The following OXGR1 variants were observed in gnomAD, a reference collection of about 807,000 sequenced individuals.
The protein encoded by OXGR1 is 2-oxoglutarate receptor 1.
A neutral mutation model predicts 10.0 loss-of-function variants in OXGR1; 10 were observed. The ratio of observed to expected loss-of-function variants is 1.00; its 90% CI spans 0.62 to 1.70. The LOEUF (loss-of-function observed/expected upper bound fraction) is 1.70. Among genes scored for constraint, OXGR1 ranks in the 40% most tolerant of loss-of-function variants. The pLI is 0.00. For missense variants in OXGR1, 398 were observed against 407.6 expected (o/e 0.98, Z 0.20); for synonymous variants, 191 against 155.9 (o/e 1.22, Z -1.68).
At chr13:96,988,395 A>G (rs1255471030) in intron 3 of OXGR1, among the ~76,000 whole-genome samples, 1 of 152,112 alleles carries the variant, frequency 6.6e-6, no homozygotes. Flanking sequence ...CTCAATCTGT[A>G]TTTTGTTGAT....
Position 96,986,739 on chromosome 13 carries a change from A to C in OXGR1, c.*7T>G. The C allele has an allele frequency of 6.3e-7, 1 of 1,589,472 alleles. No individual in the cohort carries two copies. Among genetic ancestry groups the C allele is most frequent in the South Asian group, 1.2e-5 (1 of 86,294 alleles). ...GTATTTGTTTTTGGTTAAGTAAATG[A>C]AATATTTCAAGGGTTGTTTGAGTAA... On this transcript the variant is annotated 3_prime_UTR_variant, in exon 4 of 4. Transcript: ENST00000541038.
At chr13:96,994,639 T>A (rs1338662816), upstream of OXGR1, 3 of 151,696 alleles carry the variant, frequency 2.0e-5, no homozygotes, top group Non-Finnish European at 4.4e-5. Context: ...AGGAGGGTTG[T>A]GGCCGCCTTG....
At position 96,987,654 on chromosome 13, in the gene OXGR1, G is replaced by T. The variant is rs1394140739; in HGVS notation, c.106C>A (p.Leu36Ile). 1 of 1,614,144 alleles carries T rather than the reference G, an allele frequency of 6.2e-7. No homozygotes were observed. Among genetic ancestry groups the T allele is most frequent in the South Asian group, 1.1e-5 (1 of 91,074 alleles). ...DENIPLKMHY[L>I]PVIYGIIFLV... ...AAGATAATGCCATAAATAACAGGGA[G>T]GTAGTGCATCTTGAGTGGGATGTTT... Residue 36 changes from leucine to isoleucine, a missense_variant, in exon 4 of 4, where the codon CTC becomes ATC. Transcript: ENST00000541038.
At chr13:96,991,112 A>G (rs990322266) in intron 2 of OXGR1, among the ~76,000 whole-genome samples, 6 of 152,172 alleles carry the variant, frequency 3.9e-5, no homozygotes, top group African/African-American at 1.4e-4. Context: ...CAACTGCCTT[A>G]TTGTTCTGAA....
intron 3 of OXGR1, among the ~76,000 whole-genome samples, chr13:96,988,247 A>G (rs1881881919): frequency 6.6e-6 from 1 of 152,104 alleles, no homozygotes; most frequent in African/African-American, 2.4e-5. Flanking sequence ...TATTACCTCT[A>G]TTTTACAAGA....
rs760768805 is a variant in OXGR1 at position 96,987,592 on chromosome 13, G to A, written c.168C>T (p.Ser56=). ...VGFPGNAVVI[S]TYIFKMRPWK... is the part of the protein sequence containing the mutation. ...AAGGTCTCATTTTGAAAATGTAAGTGGATATCACTACTGCATTGCCTGGAA... is the reference window on the plus strand; with the variant it reads ...AAGGTCTCATTTTGAAAATGTAAGTAGATATCACTACTGCATTGCCTGGAA... The change falls in exon 4 of 4, where the codon TCC becomes TCT. Residue 56 remains serine (S), a synonymous_variant. Transcript: ENST00000541038. 80 of 1,613,954 alleles carry A rather than the reference G, an allele frequency of 5.0e-5. 2 individuals are homozygous for A. In the South Asian group the frequency reaches 8.1e-4, roughly 16 times the overall value.
rs1309477049 is a variant in OXGR1, at chr13:96,992,531, G to A, written c.-236C>T. On this transcript the variant is annotated 5_prime_UTR_variant, in exon 2 of 4. Coordinates refer to ENST00000541038, the MANE Select transcript of OXGR1 (RefSeq NM_001346194.2). ...ACCGTTCGTGGACCGCTGTCCTGAT[G>A]CCAGCACACCCAGGAACCTCACGGA... The A allele has an allele frequency of 6.6e-6, 1 of 152,162 alleles. No individual in the cohort carries two copies. Among genetic ancestry groups the A allele is most frequent in the Admixed American group, 6.5e-5 (1 of 15,276 alleles). 9.4% of individuals were successfully genotyped at this position (152,162 alleles called of 1,614,324 possible).
At position 96,986,812 on chromosome 13, in the gene OXGR1, T is replaced by G. The variant is rs755996946; in HGVS notation, c.948A>C (p.Thr316=). ...GGTTCCCGCTTACTTTGCATCTCAC[T>G]GTTGAGCAGACAGCCTGCTGAAAGT... The part of the protein sequence containing the change: ...SDNFQQAVCS[T]VRCKVSGNLE... Residue 316 remains threonine, a synonymous_variant, in exon 4 of 4, where the codon ACA becomes ACC. Coordinates refer to ENST00000541038, the MANE Select transcript of OXGR1 (RefSeq NM_001346194.2). The G allele has an allele frequency of 2.5e-6, 4 of 1,614,036 alleles. No individual in the cohort carries two copies. The highest frequency in any genetic ancestry group is 1.7e-6 in the Non-Finnish European group (2 of 1,180,016).
At chr13:96,989,343 C>A (rs58783797) in intron 3 of OXGR1, among the ~76,000 whole-genome samples, 8,497 of 152,220 alleles carry the variant, frequency 0.056, 798 homozygotes, top group African/African-American at 0.19. Flanking sequence ...TCCTTCTTGA[C>A]TGCCCTGAGT....
rs775962322 is a variant in OXGR1 at position 96,985,841 on chromosome 13, C to T, written c.*905G>A. The T allele has an allele frequency of 6.6e-6, 1 of 152,144 alleles. No individual in the cohort carries two copies. Among genetic ancestry groups the T allele is most frequent in the Non-Finnish European group, 1.5e-5 (1 of 68,012 alleles). 9.4% of individuals were successfully genotyped at this position (152,144 alleles called of 1,614,324 possible). A position where few individuals can be genotyped will look rare whatever the true frequency, so the allele number is the denominator to read the frequency against. On this transcript the variant is annotated 3_prime_UTR_variant, in exon 4 of 4. Transcript: ENST00000541038. Reference sequence around the variant, plus strand: ...AAGCACACATACAATTCAAAAATATCTTTAGCTATCACATAGACATATGTT... The same window carrying T: ...AAGCACACATACAATTCAAAAATATTTTTAGCTATCACATAGACATATGTT...
Position 96,985,844 on chromosome 13 carries a change from T to C in OXGR1, c.*902A>G, listed in dbSNP as rs1881707203. On this transcript the variant is annotated 3_prime_UTR_variant, in exon 4 of 4. Transcript: ENST00000541038. ...CACACATACAATTCAAAAATATCTT[T>C]AGCTATCACATAGACATATGTTCAT... is the stretch of plus-strand genomic sequence containing the variant. 1 of 152,248 alleles carries C rather than the reference T, an allele frequency of 6.6e-6. No homozygotes were observed. Among genetic ancestry groups the C allele is most frequent in the African/African-American group, 2.4e-5 (1 of 41,470 alleles). The allele number at this position is 152,248 out of a possible 1,614,324, so 9.4% of individuals were successfully genotyped here. A position where few individuals can be genotyped will look rare whatever the true frequency, so the allele number is the denominator to read the frequency against.
intron 2 of OXGR1, among the ~76,000 whole-genome samples, chr13:96,990,428 C>T (rs903042336): frequency 3.9e-5 from 6 of 152,160 alleles, no homozygotes; most frequent in African/African-American, 7.2e-5. Context: ...TCAACAGAGA[C>T]GTGAGAGGAA....
intron 1 of OXGR1, among the ~76,000 whole-genome samples, chr13:96,993,745 A>G (rs1450559806): frequency 6.6e-6 from 1 of 151,858 alleles, no homozygotes; most frequent in Non-Finnish European, 1.5e-5. Context: ...ACGAATCCAT[A>G]GCAACGAAAC....
At chr13:96,987,896 T>C in intron 3 of OXGR1, 63 bp from the exon 4 acceptor site, 1 of 1,186,250 alleles carries the variant, frequency 8.4e-7, no homozygotes, top group Non-Finnish European at 1.1e-6. Context: ...TACTTTTAAA[T>C]GAAAATTATT....
At chr13:96,989,115 G>A (rs1881928220) in intron 3 of OXGR1, among the ~76,000 whole-genome samples, 1 of 152,126 alleles carries the variant, frequency 6.6e-6, no homozygotes, top group South Asian at 2.1e-4. Flanking sequence ...CATAAGAAAA[G>A]CTTAAAAAAT....
Position 96,986,825 on chromosome 13 carries a change from G to A in OXGR1, c.935C>T (p.Ala312Val). The A allele has an allele frequency of 6.2e-7, 1 of 1,614,144 alleles. No homozygotes were observed. The highest frequency in any genetic ancestry group is 1.1e-5 in the South Asian group (1 of 91,076). ...TTTGCATCTCACTGTTGAGCAGACA[G>A]CCTGCTGAAAGTTGTCGCTGACCAC... ...YVVVSDNFQQ[A>V]VCSTVRCKVS... The change falls in exon 4 of 4, where the codon GCT becomes GTT. Residue 312 changes from alanine to valine, a missense_variant. Ala to Val is a moderately conservative substitution (Grantham distance 64). Transcript: ENST00000541038.
rs765856782 is a variant in OXGR1, at chr13:96,990,946, C to CAAAAAAAAAAAAAAAAAAAAA, written c.-126-1138_-126-1137insTTTTTTTTTTTTTTTTTTTTT. ...CCTGAGTGACACAGCAAGACTCTTT[C>CAAAAAAAAAAAAAAAAAAAAA]AAAAAAAAAAAAAAAAGCAAGCTTA... On this transcript the variant is annotated intron_variant, in intron 2 of 3. Coordinates refer to ENST00000541038, the MANE Select transcript of OXGR1 (RefSeq NM_001346194.2). 3.8e-3 allele frequency among the ~76,000 whole-genome samples: 368 copies of CAAAAAAAAAAAAAAAAAAAAA among 97,074 alleles called. 32 individuals carry two copies. Among genetic ancestry groups the CAAAAAAAAAAAAAAAAAAAAA allele is most frequent in the African/African-American group, 0.017 (354 of 20,974 alleles). The allele number at this position is 97,074 out of a possible 152,430, so 63.7% of individuals were successfully genotyped here.
At position 96,987,803 on chromosome 13, in the gene OXGR1, T is replaced by C; in HGVS notation, c.-44A>G. 1.3e-6 allele frequency: 2 copies of C among 1,518,454 alleles called. No individual in the cohort carries two copies. 94.1% of individuals were successfully genotyped at this position (1,518,454 alleles called of 1,614,324 possible). Reference sequence around the variant, plus strand: ...TGCAAGAAAACAAGAGAGTTCAGTTTGGCAATATGAATCAAATGAGCAGTA... The same window carrying C: ...TGCAAGAAAACAAGAGAGTTCAGTTCGGCAATATGAATCAAATGAGCAGTA... On this transcript the variant is annotated 5_prime_UTR_variant, in exon 4 of 4. Coordinates refer to ENST00000541038, the MANE Select transcript of OXGR1 (RefSeq NM_001346194.2).
At chr13:96,991,337 T>G (rs866382255) in intron 2 of OXGR1, among the ~76,000 whole-genome samples, 4 of 152,276 alleles carry the variant, frequency 2.6e-5, no homozygotes, top group South Asian at 2.1e-4. Flanking sequence ...CAGGGCCCAG[T>G]GCAATTCACT....
Sources: allele counts gnomAD v4.1 joint callset (sites outside exome capture counted in the v4.1 genomes callset), GRCh38; gene constraint gnomAD v4.1.1; transcripts MANE v1.5; gene names NCBI Gene and HGNC (gene_info 2026-07-23, HGNC 2026-07-21).